The following DUSP13B variants were observed in gnomAD, a reference collection of about 807,000 sequenced individuals.
DUSP13B encodes dual specificity phosphatase 13B, also known as dual specificity protein phosphatase 13B.
the DUSP13B span, chr10:75,094,924 C>A: frequency 6.4e-7 from 1 of 1,570,744 alleles, no homozygotes. Flanking sequence ...CCTTGAACCA[C>A]CCACCCCTTT....
chr10:75,100,549 A>G, the DUSP13B span, among the ~76,000 whole-genome samples: 5 of 151,826 alleles, frequency 3.3e-5, no homozygotes, highest in Non-Finnish European at 7.4e-5. Context: ...ACTACATTCC[A>G]TGTCTCCTTG....
the DUSP13B span, chr10:75,105,964 G>A: frequency 2.6e-4 from 301 of 1,166,514 alleles, 5 homozygotes; most frequent in South Asian, 4.1e-3. Flanking sequence ...CCCTGCCTTG[G>A]GTGCACTCTG....
chr10:75,105,543 C>T, the DUSP13B span: 5 of 1,031,200 alleles, frequency 4.8e-6, no homozygotes, highest in Non-Finnish European at 7.1e-6. Flanking sequence ...TCCTCACTTC[C>T]AGCCACACAC....
the DUSP13B span, among the ~76,000 whole-genome samples, chr10:75,107,468 C>G: frequency 6.6e-6 from 1 of 152,196 alleles, no homozygotes; most frequent in Non-Finnish European, 1.5e-5. Flanking sequence ...AAATGGCTTT[C>G]AGCCTCAGGG....
the DUSP13B span, among the ~76,000 whole-genome samples, chr10:75,108,441 C>G: frequency 6.6e-6 from 1 of 152,180 alleles, no homozygotes; most frequent in African/African-American, 2.4e-5. Flanking sequence ...TCTTTGCTTC[C>G]TCAATGCATC....
chr10:75,103,972 G>C, the DUSP13B span: 1 of 1,337,402 alleles, frequency 7.5e-7, no homozygotes, highest in Non-Finnish European at 9.9e-7. Context: ...CTCTAGGGCC[G>C]ACCCCACGCT....
the DUSP13B span, among the ~76,000 whole-genome samples, chr10:75,102,283 T>C: frequency 2.6e-5 from 4 of 152,066 alleles, no homozygotes; most frequent in Non-Finnish European, 4.4e-5. Flanking sequence ...GAGACCATCC[T>C]GGCTAACAGG....
the DUSP13B span, among the ~76,000 whole-genome samples, chr10:75,097,515 C>A: frequency 6.6e-6 from 1 of 152,148 alleles, no homozygotes; most frequent in Admixed American, 6.5e-5. Context: ...CGGCCCTGTG[C>A]ACTTTTCTTA....
the DUSP13B span, chr10:75,098,905 C>T: frequency 2.8e-5 from 32 of 1,149,752 alleles, no homozygotes; most frequent in Non-Finnish European, 3.4e-5. Context: ...TTAGTCCATC[C>T]CCAAGCCTTT....
At chr10:75,105,345 C>A in the DUSP13B span, among the ~76,000 whole-genome samples, 1 of 152,146 alleles carries the variant, frequency 6.6e-6, no homozygotes, top group African/African-American at 2.4e-5. Context: ...TCCCCTCTTC[C>A]ATTTTATGCT....
At chr10:75,094,690 T>C in the DUSP13B span, 2 of 1,613,830 alleles carry the variant, frequency 1.2e-6, no homozygotes, top group Non-Finnish European at 1.7e-6. Context: ...AACCGCCCCG[T>C]CTCCCGCCCC....
the DUSP13B span, among the ~76,000 whole-genome samples, chr10:75,104,817 G>T: frequency 6.6e-6 from 1 of 152,030 alleles, no homozygotes; most frequent in Admixed American, 6.6e-5. Context: ...CAGGGGAAGG[G>T]GTCGATGCTG....
the DUSP13B span, chr10:75,105,547 C>T: frequency 9.4e-7 from 1 of 1,067,442 alleles, no homozygotes; most frequent in Non-Finnish European, 1.4e-6. Context: ...CACTTCCAGC[C>T]ACACACAGCC....
chr10:75,109,019 T>C, the DUSP13B span: 5 of 1,607,974 alleles, frequency 3.1e-6, no homozygotes, highest in Admixed American at 8.4e-5. Context: ...GCATCTCCTA[T>C]GAAAAGGTTG....
chr10:75,096,453 A>G, the DUSP13B span, among the ~76,000 whole-genome samples: 1 of 151,848 alleles, frequency 6.6e-6, no homozygotes, highest in East Asian at 1.9e-4. Flanking sequence ...GGCATATGCC[A>G]GTAGTCCCAG....
chr10:75,096,041 G>T, the DUSP13B span, among the ~76,000 whole-genome samples: 2 of 152,170 alleles, frequency 1.3e-5, no homozygotes, highest in African/African-American at 2.4e-5. Flanking sequence ...GATCACTTGA[G>T]GTCAGGAGTT....
the DUSP13B span, chr10:75,101,793 G>A: frequency 4.1e-5 from 27 of 654,728 alleles, no homozygotes; most frequent in South Asian, 8.7e-5. Flanking sequence ...ACAGGCACAA[G>A]TGTCCTGGCC....
chr10:75,103,093 C>T, the DUSP13B span, among the ~76,000 whole-genome samples: 1 of 152,324 alleles, frequency 6.6e-6, no homozygotes, highest in African/African-American at 2.4e-5. Context: ...GCACTCCAGC[C>T]TAAGCAACTG....
chr10:75,108,215 G>T, the DUSP13B span: 2 of 1,593,384 alleles, frequency 1.3e-6, no homozygotes, highest in Non-Finnish European at 1.7e-6. Flanking sequence ...TGGCCCTGGG[G>T]AGGGCAGGAA....
Sources: allele counts gnomAD v4.1 joint callset (sites outside exome capture counted in the v4.1 genomes callset), GRCh38; gene constraint gnomAD v4.1.1; transcripts MANE v1.5; gene names NCBI Gene and HGNC (gene_info 2026-07-23, HGNC 2026-07-21).